Variants in TLE3 observed in about 807,000 individuals in gnomAD.
TLE3 encodes the protein TLE family member 3, transcriptional corepressor, also known as transducin-like enhancer protein 3.
In TLE3, 14 loss-of-function variants were observed where a neutral mutation model predicts 93.0. That is an observed-to-expected ratio of 0.15 (90% CI 0.10 to 0.24). The LOEUF is 0.24. Ranked by LOEUF, TLE3 falls within the 10% of genes least tolerant of loss-of-function variation. The pLI is 1.00. For synonymous variants in TLE3, 451 were observed against 425.0 expected, an observed-to-expected ratio of 1.06 and a Z score of -0.75; for missense variants, 693 against 1,046.6, an observed-to-expected ratio of 0.66 and a Z score of 4.66.
chr15:70,074,059 A>G (rs1423665840), intron 6 of TLE3, among the ~76,000 whole-genome samples: 1 of 152,274 alleles, frequency 6.6e-6, no homozygotes, highest in African/African-American at 2.4e-5. Context: ...AGCAAGACGT[A>G]AACCCAAATT....
intron 6 of TLE3, among the ~76,000 whole-genome samples, chr15:70,072,083 A>G (rs2057211466): frequency 6.6e-6 from 1 of 152,178 alleles, no homozygotes; most frequent in African/African-American, 2.4e-5. Flanking sequence ...GCTTAATGAC[A>G]GGGCGATGGC....
chr15:70,054,270 C>A (rs1188363738), intron 16 of TLE3, 168 bp downstream of exon 16: 4 of 964,138 alleles, frequency 4.1e-6, no homozygotes, highest in South Asian at 1.8e-5. Flanking sequence ...CTCTGTCCCT[C>A]GCATAAGGCA....
At chr15:70,091,410 C>T (rs1423455506) in intron 4 of TLE3, among the ~76,000 whole-genome samples, 1 of 152,204 alleles carries the variant, frequency 6.6e-6, no homozygotes, top group Non-Finnish European at 1.5e-5. Flanking sequence ...TTGTGGCTGA[C>T]ACTGGAAAGC....
At chr15:70,071,585 G>A (rs947263399) in intron 6 of TLE3, among the ~76,000 whole-genome samples, 1 of 152,186 alleles carries the variant, frequency 6.6e-6, no homozygotes, top group Non-Finnish European at 1.5e-5. Context: ...CACAACCTCA[G>A]AATCTTTCAA....
At chr15:70,056,663 G>T (rs557570747) in intron 13 of TLE3, among the ~76,000 whole-genome samples, 18 of 152,166 alleles carry the variant, frequency 1.2e-4, no homozygotes, top group Non-Finnish European at 1.0e-4. Flanking sequence ...GGTCCTAGTG[G>T]GCCTGCCAGT....
At chr15:70,064,355 C>T in intron 8 of TLE3, 99 bp downstream of exon 8, 3 of 1,456,110 alleles carry the variant, frequency 2.1e-6, no homozygotes. Flanking sequence ...GCTTTGGATA[C>T]CGACTGACTG....
Position 70,050,240 on chromosome 15 carries a change from C to A in TLE3, c.2203-36G>T, listed in dbSNP as rs146838495. On this transcript the variant is annotated intron_variant, in intron 19 of 19. Transcript: ENST00000451782. ...AAGACGAGGAGAAGCAGCAGGAAGG[C>A]GTGGGGTGCAGGGAGAAAAAAGACA... 5 of 1,528,832 alleles carry A rather than the reference C, an allele frequency of 3.3e-6. No homozygotes were observed. In the South Asian group the frequency reaches 5.6e-5, roughly 17 times the overall value. The allele number at this position is 1,528,832 out of a possible 1,614,324, so 94.7% of individuals were successfully genotyped here. A position where few individuals can be genotyped will look rare whatever the true frequency, so the allele number is the denominator to read the frequency against.
Position 70,058,416 on chromosome 15 carries a change from A to G in TLE3, c.919-125T>C, listed in dbSNP as rs2056232018. Reference sequence around the variant, plus strand: ...GACCCTTATGAAGCTTCTGCCGAACAGCCTCTCAATCCTTGCCCAACCTTG... The same window carrying G: ...GACCCTTATGAAGCTTCTGCCGAACGGCCTCTCAATCCTTGCCCAACCTTG... On this transcript the variant is annotated intron_variant, in intron 11 of 19. Coordinates refer to ENST00000451782, the MANE Select transcript of TLE3 (RefSeq NM_001105192.3). This position sits in a 1 kb window ranked among gnomAD's most constrained non-coding sequence, Gnocchi z 4.1. 6.8e-7 allele frequency: 1 copy of G among 1,464,252 alleles called. No individual in the cohort carries two copies. The highest frequency in any genetic ancestry group is 2.3e-5 in the Admixed American group (1 of 43,918). The allele number at this position is 1,464,252 out of a possible 1,614,324, so 90.7% of individuals were successfully genotyped here.
At chr15:70,095,662 G>T (rs1276935180) in intron 2 of TLE3, 21 bp from the exon 3 acceptor site, 1 of 1,551,040 alleles carries the variant, frequency 6.4e-7, no homozygotes, top group Admixed American at 2.0e-5. Flanking sequence ...AGGAGGAGCC[G>T]GCTCAGGCGT....
At chr15:70,056,059 A>G in intron 14 of TLE3, 1 of 592,500 alleles carries the variant, frequency 1.7e-6, no homozygotes, top group Non-Finnish European at 3.0e-6. Context: ...GTACTTAGCT[A>G]ACTCCATGGC....
chr15:70,097,769 A>G lies in TLE3; in HGVS notation c.-971T>C. 1 of 389,600 alleles carries G rather than the reference A, an allele frequency of 2.6e-6. No individual in the cohort carries two copies. Among genetic ancestry groups the G allele is most frequent in the East Asian group, 3.6e-5 (1 of 27,530 alleles). The allele number at this position is 389,600 out of a possible 1,614,324, so 24.1% of individuals were successfully genotyped here. On this transcript the variant is annotated 5_prime_UTR_variant, in exon 1 of 20. Transcript: ENST00000451782. Reference sequence around the variant, plus strand: ...CCGCGCCCCGGCAAACCCCCAAAACACACACACCCAACACACACACACGCG... The same window carrying G: ...CCGCGCCCCGGCAAACCCCCAAAACGCACACACCCAACACACACACACGCG...
In TLE3 at chr15:70,048,194, C is replaced by T. The variant is rs1466419385; in HGVS notation, c.*1903G>A. 1.3e-5 allele frequency: 2 copies of T among 152,204 alleles called. No homozygotes were observed. The highest frequency in any genetic ancestry group is 4.8e-5 in the African/African-American group (2 of 41,450). The allele number at this position is 152,204 out of a possible 1,614,324, so 9.4% of individuals were successfully genotyped here. ...GGGGGGAGAGGCAATTAAGACGCAA[C>T]AATCAAACCAACCTTTAAATAGTAA... On this transcript the variant is annotated 3_prime_UTR_variant, in exon 20 of 20. Transcript: ENST00000451782.
chr15:70,055,352 C>A (rs1342811418), intron 14 of TLE3, 54 bp from the exon 15 acceptor site: 2 of 1,530,720 alleles, frequency 1.3e-6, no homozygotes, highest in Non-Finnish European at 1.8e-6. Flanking sequence ...CCTCAGAGTT[C>A]CCATAGGCCT....
Position 70,097,463 on chromosome 15 carries a change from G to A in TLE3, c.-665C>T. ...GTCTGCTACTGCCGCTGCCGCCGCC[G>A]CCGCCGCCGCTGCAAGCCCTTCCCA... On this transcript the variant is annotated 5_prime_UTR_variant, in exon 1 of 20. Transcript: ENST00000451782. The A allele has an allele frequency of 2.4e-6, 1 of 416,928 alleles. No individual in the cohort carries two copies. The highest frequency in any genetic ancestry group is 8.3e-5 in the South Asian group (1 of 12,074). 25.8% of individuals were successfully genotyped at this position (416,928 alleles called of 1,614,324 possible). A position where few individuals can be genotyped will look rare whatever the true frequency, so the allele number is the denominator to read the frequency against.
Position 70,058,279 on chromosome 15 carries a change from A to T in TLE3, c.931T>A (p.Ser311Thr), listed in dbSNP as rs761936175. 6.2e-7 allele frequency: 1 copy of T among 1,608,690 alleles called. No individual in the cohort carries two copies. Among genetic ancestry groups the T allele is most frequent in the East Asian group, 2.2e-5 (1 of 44,788 alleles). The change falls in exon 12 of 20, where the codon TCC (serine) becomes ACC (threonine). Residue 311 changes from serine to threonine, a missense_variant. Physicochemically the swap from Ser to Thr is moderately conservative, Grantham distance 58. Around this residue, in one of 4 missense-constraint regions of TLE3, gnomAD observed 405 missense variants for 468.9 expected, o/e 0.86. Transcript: ENST00000451782. This position sits in a 1 kb window ranked among gnomAD's most constrained non-coding sequence, Gnocchi z 4.1. ...GTGTTGGACTTGAGCCCAGGGGTGGAGGATTTGTCGTTCTGAAGAGGGGAG... is the reference window on the plus strand; with the variant it reads ...GTGTTGGACTTGAGCCCAGGGGTGGTGGATTTGTCGTTCTGAAGAGGGGAG... The part of the protein sequence containing the change: ...TKDLGHNDKS[S>T]TPGLKSNTPT...
At chr15:70,081,661 C>G (rs1051271995) in intron 4 of TLE3, among the ~76,000 whole-genome samples, 1 of 152,206 alleles carries the variant, frequency 6.6e-6, no homozygotes, top group African/African-American at 2.4e-5. Flanking sequence ...AGGCAAGCGG[C>G]CATCCCATGC....
intron 6 of TLE3, 37 bp from the exon 7 acceptor site, chr15:70,066,255 G>T: frequency 6.9e-7 from 1 of 1,450,896 alleles, no homozygotes; most frequent in Non-Finnish European, 9.1e-7. Context: ...GCTGAGTTGG[G>T]GAGGGCAGGG....
chr15:70,071,530 A>G (rs1264072443), intron 6 of TLE3, among the ~76,000 whole-genome samples: 1 of 152,134 alleles, frequency 6.6e-6, no homozygotes, highest in Non-Finnish European at 1.5e-5. Context: ...CTCCCTGCCC[A>G]TGCCGGAGGT....
intron 17 of TLE3, 167 bp from the exon 18 acceptor site, chr15:70,052,691 G>A (rs1443189958): frequency 1.7e-6 from 1 of 603,826 alleles, no homozygotes; most frequent in Non-Finnish European, 2.6e-6. Flanking sequence ...TTTTATAGGT[G>A]AGAAAGCACA....
Sources: allele counts gnomAD v4.1 joint callset (sites outside exome capture counted in the v4.1 genomes callset), GRCh38; gene constraint gnomAD v4.1.1; regional missense constraint gnomAD v4.1.1; non-coding constraint Gnocchi (gnomAD v3.1); transcripts MANE v1.5; gene names NCBI Gene and HGNC (gene_info 2026-07-23, HGNC 2026-07-21).